The following NRG1 variants were observed in gnomAD, a reference collection of about 807,000 sequenced individuals.
NRG1 encodes neuregulin 1.
Under a neutral mutation model 63.8 loss-of-function variants are expected in NRG1, and 18 were observed. That is an observed-to-expected ratio of 0.28 (90% CI 0.19 to 0.42). NRG1 has a LOEUF of 0.42. Ranked by LOEUF, NRG1 falls within the 10% of genes least tolerant of loss-of-function variation. NRG1 has a pLI of 1.00. For missense variants in NRG1, 762 were observed against 814.7 expected, an observed-to-expected ratio of 0.94 and a Z score of 0.79; for synonymous variants, 302 against 301.3, an observed-to-expected ratio of 1.00 and a Z score of -0.02.
chr8:32,649,263 C>A (rs1176575528), intron 5 of NRG1, among the ~76,000 whole-genome samples: 1 of 147,602 alleles, frequency 6.8e-6, no homozygotes, highest in Non-Finnish European at 1.5e-5. Flanking sequence ...CTCTTAAAAA[C>A]AATACATTCC....
intron 1 of NRG1, among the ~76,000 whole-genome samples, chr8:31,843,970 A>G (rs995339405): frequency 3.9e-5 from 6 of 152,208 alleles, no homozygotes; most frequent in Admixed American, 6.5e-5. Context: ...ATAACAGCTA[A>G]TGTTCATTGA....
intron 1 of NRG1, among the ~76,000 whole-genome samples, chr8:32,302,439 G>A (rs1037067983): frequency 6.6e-6 from 1 of 152,118 alleles, no homozygotes; most frequent in African/African-American, 2.4e-5. Context: ...TTACGTGTAG[G>A]AAACAGGTTA....
chr8:32,631,315 G>C (rs939070585), intron 5 of NRG1, among the ~76,000 whole-genome samples: 4 of 152,130 alleles, frequency 2.6e-5, no homozygotes, highest in African/African-American at 9.7e-5. Context: ...GTGACCTCAA[G>C]GCTCCTTCCA....
chr8:32,145,838 T>C (rs1836812056), intron 1 of NRG1, among the ~76,000 whole-genome samples: 1 of 152,234 alleles, frequency 6.6e-6, no homozygotes, highest in South Asian at 2.1e-4. Context: ...ACTACTTCTC[T>C]GCAGGCTTTG....
chr8:32,161,981 G>A (rs1838881288), intron 1 of NRG1, among the ~76,000 whole-genome samples: 3 of 152,164 alleles, frequency 2.0e-5, no homozygotes, highest in South Asian at 4.1e-4. Flanking sequence ...CTCAGGAAGA[G>A]GAAATAGATT....
At chr8:32,085,372 G>A (rs1563768363) in intron 1 of NRG1, among the ~76,000 whole-genome samples, 1 of 152,134 alleles carries the variant, frequency 6.6e-6, no homozygotes, top group Non-Finnish European at 1.5e-5. Context: ...CTGCTTCTAT[G>A]AGTTTGACTA....
chr8:32,004,455 C>A, intron 1 of NRG1, among the ~76,000 whole-genome samples: 1 of 144,696 alleles, frequency 6.9e-6, no homozygotes, highest in Non-Finnish European at 1.5e-5. Context: ...ACAAGTGCAC[C>A]ACACTAATGC....
At chr8:32,476,024 C>T (rs1050182770) in intron 1 of NRG1, among the ~76,000 whole-genome samples, 1 of 152,074 alleles carries the variant, frequency 6.6e-6, no homozygotes, top group Non-Finnish European at 1.5e-5. Context: ...AAAAATTAGA[C>T]AGGTAGCTGC....
chr8:32,069,956 T>G (rs1035520774), intron 1 of NRG1, among the ~76,000 whole-genome samples: 2 of 152,176 alleles, frequency 1.3e-5, no homozygotes, highest in Non-Finnish European at 2.9e-5. Flanking sequence ...ATTAGAGCAG[T>G]TCATCCTCGG....
chr8:32,752,214 C>T (rs181819253), intron 7 of NRG1, among the ~76,000 whole-genome samples: 8 of 152,166 alleles, frequency 5.3e-5, no homozygotes, highest in Admixed American at 5.2e-4. Flanking sequence ...AGTGGGGTGA[C>T]AGCTTTGCTT....
At chr8:32,351,379 T>G (rs1805581064) in intron 1 of NRG1, among the ~76,000 whole-genome samples, 1 of 152,206 alleles carries the variant, frequency 6.6e-6, no homozygotes, top group Non-Finnish European at 1.5e-5. Flanking sequence ...TGCCATTTTA[T>G]GGAAAGAGGA....
At chr8:32,079,291 G>T (rs902711428) in intron 1 of NRG1, among the ~76,000 whole-genome samples, 5 of 151,968 alleles carry the variant, frequency 3.3e-5, no homozygotes, top group African/African-American at 1.2e-4. Flanking sequence ...TTGTTTAAAA[G>T]ATAAAGCAGA....
intron 1 of NRG1, among the ~76,000 whole-genome samples, chr8:32,485,509 C>T (rs1420096320): frequency 6.6e-6 from 1 of 152,198 alleles, no homozygotes; most frequent in African/African-American, 2.4e-5. Context: ...TTTCTCCACC[C>T]CACGAACTCC....
chr8:32,690,607 A>G (rs1811342584), intron 5 of NRG1, among the ~76,000 whole-genome samples: 1 of 152,164 alleles, frequency 6.6e-6, no homozygotes, highest in African/African-American at 2.4e-5. Flanking sequence ...TGAGCCAGTG[A>G]TAGTTTATAA....
At chr8:31,772,301 G>T (rs1318690736) in intron 1 of NRG1, among the ~76,000 whole-genome samples, 1 of 152,004 alleles carries the variant, frequency 6.6e-6, no homozygotes, top group Non-Finnish European at 1.5e-5. Context: ...GTATTTGTTT[G>T]TTCATCCTGC....
intron 5 of NRG1, among the ~76,000 whole-genome samples, chr8:32,625,396 A>G (rs1450173215): frequency 6.6e-6 from 1 of 152,212 alleles, no homozygotes; most frequent in Non-Finnish European, 1.5e-5. Flanking sequence ...GGTTGAATTT[A>G]TCCATCAACG....
At chr8:32,540,226 C>A (rs1055064615) in intron 1 of NRG1, among the ~76,000 whole-genome samples, 1 of 151,806 alleles carries the variant, frequency 6.6e-6, no homozygotes, top group Non-Finnish European at 1.5e-5. Context: ...ATAAAAGTTT[C>A]TTAGGGAAGA....
chr8:31,833,023 A>T (rs1311158543), intron 1 of NRG1, among the ~76,000 whole-genome samples: 3 of 152,258 alleles, frequency 2.0e-5, no homozygotes, highest in Admixed American at 1.3e-4. Flanking sequence ...ACAAAGGTTA[A>T]CAACCACCCG....
intron 1 of NRG1, among the ~76,000 whole-genome samples, chr8:32,002,709 C>T (rs994105588): frequency 3.9e-5 from 6 of 152,058 alleles, no homozygotes; most frequent in Non-Finnish European, 8.8e-5. Context: ...GGTGCCCTTG[C>T]TTCTAGAGCT....
Sources: allele counts gnomAD v4.1 joint callset (sites outside exome capture counted in the v4.1 genomes callset), GRCh38; gene constraint gnomAD v4.1.1; transcripts MANE v1.5; gene names NCBI Gene and HGNC (gene_info 2026-07-23, HGNC 2026-07-21).